The following RARB variants were observed in gnomAD, a reference collection of about 807,000 sequenced individuals.
RARB encodes the protein HBV-activated protein.
RARB carries 17 observed loss-of-function variants against 51.9 expected under a neutral mutation model. The ratio of observed to expected loss-of-function variants is 0.33; its 90% CI spans 0.22 to 0.49. RARB has a LOEUF of 0.49. RARB is among the 20% of genes least tolerant of loss of function. The pLI is 0.99. For synonymous variants in RARB, 215 were observed against 195.4 expected (o/e 1.10, Z -0.84); for missense variants, 369 against 550.8 (o/e 0.67, Z 3.30).
chr3:25,135,255 GTTAA>G (rs1470355409), intron 4 of RARB, among the ~76,000 whole-genome samples: 2 of 152,024 alleles, frequency 1.3e-5, no homozygotes, highest in South Asian at 2.1e-4. Context: ...TTTATTTAAT[GTTAA>G]TTAAAGTTTA....
intron 4 of RARB, among the ~76,000 whole-genome samples, chr3:25,147,910 A>C (rs935350516): frequency 6.6e-6 from 1 of 152,220 alleles, no homozygotes; most frequent in Non-Finnish European, 1.5e-5. Context: ...TCCTACATTG[A>C]ATACATCTGT....
intron 5 of RARB, among the ~76,000 whole-genome samples, chr3:25,247,510 A>G (rs924622826): frequency 6.6e-6 from 1 of 152,206 alleles, no homozygotes; most frequent in Non-Finnish European, 1.5e-5. Context: ...AAAGCCTAGT[A>G]TCTGGGCCAA....
chr3:25,284,694 C>T (rs547126730), intron 5 of RARB, among the ~76,000 whole-genome samples: 45 of 152,226 alleles, frequency 3.0e-4, no homozygotes, highest in African/African-American at 1.1e-3. Context: ...GTCAGAACCT[C>T]GACTCACATT....
chr3:24,947,048 G>C (rs1204446980), intron 2 of RARB, among the ~76,000 whole-genome samples: 1 of 152,180 alleles, frequency 6.6e-6, no homozygotes, highest in East Asian at 1.9e-4. Flanking sequence ...AAGGTAATTT[G>C]ATGGAAGGAT....
intron 3 of RARB, among the ~76,000 whole-genome samples, chr3:25,546,489 C>T (rs925883138): frequency 2.0e-5 from 3 of 152,062 alleles, no homozygotes; most frequent in Non-Finnish European, 2.9e-5. Flanking sequence ...CCTCTCCACC[C>T]CTCACACATT....
chr3:24,889,680 G>GTGTGTGTC (rs991779223), intron 2 of RARB, among the ~76,000 whole-genome samples: 15 of 128,660 alleles, frequency 1.2e-4, no homozygotes, highest in Non-Finnish European at 9.5e-5. Context: ...CTTAAAGTGT[G>GTGTGTGTC]TGTGTGTGTG....
intron 2 of RARB, among the ~76,000 whole-genome samples, chr3:25,047,655 A>C (rs757466472): frequency 6.6e-6 from 1 of 152,218 alleles, no homozygotes; most frequent in Admixed American, 6.5e-5. Context: ...CAATCACTCA[A>C]TACAGTAGGT....
chr3:25,215,797 A>T (rs1431979243), intron 5 of RARB, among the ~76,000 whole-genome samples: 1 of 152,142 alleles, frequency 6.6e-6, no homozygotes, highest in Non-Finnish European at 1.5e-5. Flanking sequence ...TCTTACGAGG[A>T]TCAGGACTCT....
intron 2 of RARB, among the ~76,000 whole-genome samples, chr3:24,991,838 C>A (rs956956687): frequency 6.6e-6 from 1 of 151,922 alleles, no homozygotes; most frequent in African/African-American, 2.4e-5. Flanking sequence ...GCCATCTCTC[C>A]TCACCTGGCT....
intron 5 of RARB, among the ~76,000 whole-genome samples, chr3:25,244,309 C>G (rs1001378218): frequency 3.4e-4 from 47 of 137,008 alleles, no homozygotes; most frequent in African/African-American, 1.3e-3. Context: ...GTCTTTATCT[C>G]CTTCAATTCT....
At chr3:25,381,160 A>T (rs977387281) in intron 5 of RARB, among the ~76,000 whole-genome samples, 1 of 152,196 alleles carries the variant, frequency 6.6e-6, no homozygotes, top group Non-Finnish European at 1.5e-5. Context: ...GTGCTCTGTT[A>T]TAGTTACTAG....
At chr3:25,264,405 G>A (rs200691848) in intron 5 of RARB, among the ~76,000 whole-genome samples, 2 of 152,158 alleles carry the variant, frequency 1.3e-5, no homozygotes, top group East Asian at 3.9e-4. Flanking sequence ...CCAGTCTCCA[G>A]CAAAACCTTG....
intron 5 of RARB, among the ~76,000 whole-genome samples, chr3:25,194,492 TAC>T (rs1223450541): frequency 1.3e-5 from 2 of 150,502 alleles, no homozygotes; most frequent in African/African-American, 2.4e-5. Context: ...TATATATATA[TAC>T]ACACACATAG....
chr3:25,052,866 G>A (rs1030715477), intron 2 of RARB, among the ~76,000 whole-genome samples: 3 of 151,400 alleles, frequency 2.0e-5, no homozygotes, highest in Non-Finnish European at 4.4e-5. Flanking sequence ...GGGGTCACAA[G>A]TGAGAGGTAA....
intron 1 of RARB, among the ~76,000 whole-genome samples, chr3:25,437,117 C>CTTTT (rs35238900): frequency 7.2e-6 from 1 of 139,646 alleles, no homozygotes; most frequent in African/African-American, 2.7e-5. Context: ...TAAAAGCAAA[C>CTTTT]TTTTTTTTTT....
At chr3:24,869,649 A>G (rs1294632442) in intron 2 of RARB, among the ~76,000 whole-genome samples, 1 of 152,122 alleles carries the variant, frequency 6.6e-6, no homozygotes. Context: ...AAATATCTGC[A>G]TAATACTTCA....
intron 2 of RARB, among the ~76,000 whole-genome samples, chr3:25,044,428 G>T (rs1249388124): frequency 1.3e-5 from 2 of 152,080 alleles, no homozygotes; most frequent in Non-Finnish European, 2.9e-5. Flanking sequence ...GTGTTAAATT[G>T]TTGAGAGGAA....
chr3:24,904,646 G>A (rs569577503), intron 2 of RARB, among the ~76,000 whole-genome samples: 1 of 152,132 alleles, frequency 6.6e-6, no homozygotes. Context: ...ATTTGACCCA[G>A]GCATCCCATT....
intron 3 of RARB, among the ~76,000 whole-genome samples, chr3:25,067,697 C>T (rs1287649837): frequency 6.6e-6 from 1 of 152,176 alleles, no homozygotes. Context: ...ACCCCCTTCT[C>T]CTCCTATGCT....
Sources: gnomAD v4.1 joint callset for allele counts (sites outside exome capture counted in the v4.1 genomes callset) on GRCh38, gnomAD v4.1.1 for gene constraint, MANE v1.5 for transcripts, NCBI Gene and HGNC (gene_info 2026-07-23, HGNC 2026-07-21) for gene names.